The following ZMYND11 variants were observed in gnomAD, a reference collection of about 807,000 sequenced individuals.
ZMYND11 encodes zinc finger MYND domain-containing protein 11.
ZMYND11 carries 9 observed loss-of-function variants against 84.9 expected under a neutral mutation model. The observed-to-expected ratio is 0.11, with a 90% CI of 0.06 to 0.18. ZMYND11 has a LOEUF of 0.18. Among genes scored for constraint, ZMYND11 ranks in the 10% least tolerant of loss-of-function variants. The pLI, the probability that ZMYND11 is intolerant of heterozygous loss-of-function variation, is 1.00. For synonymous variants in ZMYND11, 250 were observed against 244.1 expected, an observed-to-expected ratio of 1.02 and a Z score of -0.23; for missense variants, 409 against 761.0, an observed-to-expected ratio of 0.54 and a Z score of 5.44.
At chr10:243,038 G>A (rs1179703754) in intron 10 of ZMYND11, among the ~76,000 whole-genome samples, 3 of 152,018 alleles carry the variant, frequency 2.0e-5, no homozygotes, top group African/African-American at 2.4e-5. Context: ...ATCATACTCG[G>A]ATGGTTTCAG....
At chr10:222,831 A>G (rs1947362021) in intron 4 of ZMYND11, among the ~76,000 whole-genome samples, 1 of 152,152 alleles carries the variant, frequency 6.6e-6, no homozygotes, top group East Asian at 1.9e-4. Flanking sequence ...TTAATATTTA[A>G]TTCTTATTTT....
chr10:146,672 T>G (rs1399369691), intron 1 of ZMYND11, among the ~76,000 whole-genome samples: 1 of 152,218 alleles, frequency 6.6e-6, no homozygotes, highest in Non-Finnish European at 1.5e-5. Context: ...TGATTTGATT[T>G]CTTAGTGATA....
At chr10:231,326 T>C (rs1948985177) in intron 4 of ZMYND11, among the ~76,000 whole-genome samples, 2 of 152,156 alleles carry the variant, frequency 1.3e-5, no homozygotes, top group South Asian at 2.1e-4. Context: ...ATCACAGACA[T>C]GGGGACTTGG....
intron 2 of ZMYND11, among the ~76,000 whole-genome samples, chr10:181,587 C>G (rs1265337364): frequency 2.6e-5 from 4 of 152,216 alleles, no homozygotes; most frequent in Admixed American, 6.5e-5. Context: ...CCACTGCACT[C>G]CAACCTGGGT....
At chr10:158,406 C>T (rs1204090008) in intron 1 of ZMYND11, among the ~76,000 whole-genome samples, 1 of 143,814 alleles carries the variant, frequency 7.0e-6, no homozygotes, top group Non-Finnish European at 1.6e-5. Flanking sequence ...TCCTTTTTGT[C>T]TTTTCCTTTT....
chr10:253,632 C>A lies in ZMYND11; in HGVS notation c.*1162C>A, dbSNP rs995846971. On this transcript the variant is annotated 3_prime_UTR_variant, in exon 15 of 15. Coordinates refer to ENST00000381604, the MANE Select transcript of ZMYND11 (RefSeq NM_001370100.5). ...TTTTTATACATAGATATATAAAATACAGCCAGGAAAACTTAAATTACTTTT... is the reference window on the plus strand; with the variant it reads ...TTTTTATACATAGATATATAAAATAAAGCCAGGAAAACTTAAATTACTTTT... 6.6e-6 allele frequency: 1 copy of A among 152,562 alleles called. No individual in the cohort carries two copies. The highest frequency in any genetic ancestry group is 1.5e-5 in the Non-Finnish European group (1 of 68,024). 9.5% of individuals were successfully genotyped at this position (152,562 alleles called of 1,614,324 possible).
intron 10 of ZMYND11, among the ~76,000 whole-genome samples, chr10:242,985 TTTTAATTACA>T (rs1951345469): frequency 8.9e-6 from 1 of 112,356 alleles, no homozygotes; most frequent in Non-Finnish European, 1.9e-5. Context: ...AAAATGAATG[TTTTAATTACA>T]TTAAGTGGTA....
chr10:237,705 T>A (rs1950213153), intron 6 of ZMYND11, 28 bp downstream of exon 6: 1 of 1,542,244 alleles, frequency 6.5e-7, no homozygotes, highest in African/African-American at 1.4e-5. Context: ...TATTTCCACT[T>A]CAAGTACATT....
At chr10:182,960 A>G (rs1250618056) in intron 2 of ZMYND11, among the ~76,000 whole-genome samples, 1 of 152,192 alleles carries the variant, frequency 6.6e-6, no homozygotes, top group Non-Finnish European at 1.5e-5. Context: ...CTTTGCAGAT[A>G]TCTTAAGGTA....
intron 4 of ZMYND11, among the ~76,000 whole-genome samples, chr10:221,697 C>T (rs1038673185): frequency 6.6e-6 from 1 of 152,122 alleles, no homozygotes; most frequent in East Asian, 1.9e-4. Flanking sequence ...ATAAACTGTA[C>T]AATTTATGGT....
intron 2 of ZMYND11, among the ~76,000 whole-genome samples, chr10:185,181 G>A (rs1937859492): frequency 6.6e-6 from 1 of 152,008 alleles, no homozygotes; most frequent in South Asian, 2.1e-4. Context: ...GTGCTTTCCA[G>A]CGAGTCTTTG....
At chr10:198,472 C>T (rs1942327444) in intron 2 of ZMYND11, among the ~76,000 whole-genome samples, 1 of 152,070 alleles carries the variant, frequency 6.6e-6, no homozygotes, top group Non-Finnish European at 1.5e-5. Context: ...AAAATCTTTA[C>T]ACTGTATCTA....
chr10:183,979 G>A (rs528496303), intron 2 of ZMYND11, among the ~76,000 whole-genome samples: 5 of 152,268 alleles, frequency 3.3e-5, no homozygotes, highest in Admixed American at 6.5e-5. Context: ...GTTGCTACTG[G>A]TGGGTCTGTC....
chr10:213,292 A>T (rs1450614465), intron 3 of ZMYND11, among the ~76,000 whole-genome samples: 1 of 152,218 alleles, frequency 6.6e-6, no homozygotes, highest in African/African-American at 2.4e-5. Context: ...TCTAGTTTGC[A>T]CATGGTGTTC....
chr10:184,200 G>A (rs1848464126), intron 2 of ZMYND11, among the ~76,000 whole-genome samples: 2 of 152,052 alleles, frequency 1.3e-5, no homozygotes, highest in Admixed American at 6.5e-5. Flanking sequence ...AGAATCTCGT[G>A]TAGTCAGTTA....
intron 2 of ZMYND11, among the ~76,000 whole-genome samples, chr10:180,959 T>A (rs1427469983): frequency 6.6e-6 from 1 of 152,050 alleles, no homozygotes; most frequent in Non-Finnish European, 1.5e-5. Context: ...GCTATTTATA[T>A]GGGTAGACAG....
chr10:182,209 A>G (rs1475739158), intron 2 of ZMYND11, among the ~76,000 whole-genome samples: 2 of 152,030 alleles, frequency 1.3e-5, no homozygotes, highest in African/African-American at 4.8e-5. Context: ...AAGATAATTA[A>G]CTCCCACAGT....
At chr10:167,501 A>C (rs1357340279) in intron 1 of ZMYND11, among the ~76,000 whole-genome samples, 3 of 152,202 alleles carry the variant, frequency 2.0e-5, no homozygotes, top group Admixed American at 1.3e-4. Context: ...AAAGGTGAAT[A>C]GAGAGTTCAT....
intron 1 of ZMYND11, among the ~76,000 whole-genome samples, chr10:138,883 G>T (rs551662703): frequency 1.3e-5 from 2 of 152,126 alleles, no homozygotes; most frequent in East Asian, 3.9e-4. Context: ...TCGCTCTGTC[G>T]CCCAGGCTGG....
Sources: gnomAD v4.1 joint callset for allele counts (sites outside exome capture counted in the v4.1 genomes callset) on GRCh38, gnomAD v4.1.1 for gene constraint, MANE v1.5 for transcripts, NCBI Gene and HGNC (gene_info 2026-07-23, HGNC 2026-07-21) for gene names.